Variants in SYNM observed in about 807,000 individuals in gnomAD.
SYNM encodes the protein desmuslin.
A neutral mutation model predicts 104.0 loss-of-function variants in SYNM; 95 were observed. The observed-to-expected ratio is 0.91, with a 90% CI of 0.77 to 1.08. The LOEUF (loss-of-function observed/expected upper bound fraction) is 1.08. SYNM is among the 50% of genes least tolerant of loss of function. The pLI, the probability that SYNM is intolerant of heterozygous loss-of-function variation, is 0.00. For synonymous variants in SYNM, 918 were observed against 869.0 expected (o/e 1.06, Z -0.99); for missense variants, 2,150 against 2,052.2 (o/e 1.05, Z -0.92).
intron 3 of SYNM, among the ~76,000 whole-genome samples, chr15:99,128,221 C>T (rs555800857): frequency 1.3e-5 from 2 of 152,164 alleles, no homozygotes; most frequent in Non-Finnish European, 2.9e-5. Flanking sequence ...AAGTAGTGAA[C>T]TTATCAATAC....
At chr15:99,139,986 A>G (rs1368373390), downstream of SYNM, 3 of 245,998 alleles carry the variant, frequency 1.2e-5, no homozygotes, top group African/African-American at 6.7e-5. Flanking sequence ...GAGAAAGATT[A>G]AAGTTGTGCC....
chr15:99,105,121 C>T lies in SYNM; in HGVS notation c.-79C>T. On this transcript the variant is annotated 5_prime_UTR_variant, in exon 1 of 4. Transcript: ENST00000336292. ...GGGCAGCGGCGAGGCCGGAGCGTCG[C>T]GGCGGAGAGGACGAGACCGGGACAA... The T allele has an allele frequency of 6.8e-7, 1 of 1,467,190 alleles. No individual in the cohort carries two copies. Among genetic ancestry groups the T allele is most frequent in the Non-Finnish European group, 9.1e-7 (1 of 1,098,702 alleles). The allele number at this position is 1,467,190 out of a possible 1,614,324, so 90.9% of individuals were successfully genotyped here. A position where few individuals can be genotyped will look rare whatever the true frequency, so the allele number is the denominator to read the frequency against.
chr15:99,138,018 C>CTGT, downstream of SYNM: 1 of 1,614,110 alleles, frequency 6.2e-7, no homozygotes, highest in Non-Finnish European at 8.5e-7. Context: ...CCTCAGTCTG[C>CTGT]TGTTGTGCCG....
Position 99,129,705 on chromosome 15 carries a change from C to G in SYNM, c.1345C>G (p.Pro449Ala). Residue 449 changes from proline (P) to alanine (A), a missense_variant, in exon 4 of 4, where the codon CCA becomes GCA. Physicochemically the swap from Pro to Ala is conservative, Grantham distance 27 (BLOSUM62 -1). Transcript: ENST00000336292. ...TCAAGTGAAAACATTCCCTGACAGA[C>G]CAAAAGCCGGAGATACAAGGGAGGT... ...EAQVKTFPDR[P>A]KAGDTREVPV... The G allele has an allele frequency of 6.2e-7, 1 of 1,613,762 alleles. No homozygotes were observed. Among genetic ancestry groups the G allele is most frequent in the Non-Finnish European group, 8.5e-7 (1 of 1,179,896 alleles).
At chr15:99,125,768 G>A (rs1221955007) in intron 2 of SYNM, among the ~76,000 whole-genome samples, 3 of 152,198 alleles carry the variant, frequency 2.0e-5, no homozygotes, top group African/African-American at 4.8e-5. Flanking sequence ...TCTTGGAACC[G>A]GAGTTAGTGA....
At chr15:99,108,486 C>T (rs371991965) in intron 1 of SYNM, among the ~76,000 whole-genome samples, 22 of 152,116 alleles carry the variant, frequency 1.4e-4, no homozygotes, top group Non-Finnish European at 2.6e-4. Context: ...TAATTTTTTT[C>T]GGGTTCTGTA....
At chr15:99,139,548 T>C (rs782608433), downstream of SYNM, 49 of 1,547,244 alleles carry the variant, frequency 3.2e-5, no homozygotes, top group Non-Finnish European at 4.3e-5. Flanking sequence ...TCCTAGTGAC[T>C]GACCTTTGGT....
chr15:99,129,503 C>T lies in SYNM; in HGVS notation c.1143C>T (p.His381=), dbSNP rs782113960. The change falls in exon 4 of 4, where the codon CAC becomes CAT. Residue 381 remains histidine (H), a synonymous_variant. Transcript: ENST00000336292. ...SSALYSNLSG[H]RGSQTGTSIG... ...CACTGTATTCTAACCTGTCAGGGCA[C>T]CGTGGATCTCAGACGGGCACATCTA... 3.7e-6 allele frequency: 6 copies of T among 1,613,842 alleles called. No individual in the cohort carries two copies. In the African/African-American group the frequency reaches 8.0e-5, roughly 22 times the overall value.
At chr15:99,120,189 G>A (rs1336803816) in intron 2 of SYNM, among the ~76,000 whole-genome samples, 1 of 152,188 alleles carries the variant, frequency 6.6e-6, no homozygotes, top group African/African-American at 2.4e-5. Context: ...TCCATGCCCT[G>A]TTGAACGTGG....
At chr15:99,136,833 T>C (rs2067629671), downstream of SYNM, 2 of 152,250 alleles carry the variant, frequency 1.3e-5, no homozygotes, top group African/African-American at 4.8e-5. Flanking sequence ...GCAAGCATGG[T>C]CTGTGGGGTC....
chr15:99,122,392 T>C (rs2067409324), intron 2 of SYNM, among the ~76,000 whole-genome samples: 1 of 152,240 alleles, frequency 6.6e-6, no homozygotes, highest in Non-Finnish European at 1.5e-5. Flanking sequence ...GGAAAACGTT[T>C]CTTAGGGGTT....
rs1555485775 is a variant in SYNM, at chr15:99,131,172, A to G, written c.2812A>G (p.Lys938Glu). The G allele has an allele frequency of 6.2e-7, 1 of 1,606,408 alleles. No individual in the cohort carries two copies. The change falls in exon 4 of 4, where the codon AAG (lysine) becomes GAG (glutamate). Residue 938 changes from lysine to glutamate, a missense_variant. Lys to Glu is a moderately conservative substitution (Grantham distance 56). Coordinates refer to ENST00000336292, the MANE Select transcript of SYNM (RefSeq NM_145728.3). The surrounding 1 kb of genome is among the most constrained non-coding windows in gnomAD (Gnocchi z 4.3). The stretch of plus-strand genomic sequence containing the variant: ...ACCCCACGAATTCCACACCTCCATG[A>G]AGGGCATCTCCTCCAAGGAGCCCCG... ...KIPHEFHTSM[K>E]GISSKEPRQQ...
In SYNM at chr15:99,134,264, G is replaced by A. The variant is rs540946065; in HGVS notation, c.*1206G>A. 3.9e-5 allele frequency: 6 copies of A among 152,146 alleles called. No individual in the cohort carries two copies. Among genetic ancestry groups the A allele is most frequent in the East Asian group, 3.9e-4 (2 of 5,170 alleles). The allele number at this position is 152,146 out of a possible 1,614,324, so 9.4% of individuals were successfully genotyped here. A position where few individuals can be genotyped will look rare whatever the true frequency, so the allele number is the denominator to read the frequency against. On this transcript the variant is annotated 3_prime_UTR_variant, in exon 4 of 4. Coordinates refer to ENST00000336292, the MANE Select transcript of SYNM (RefSeq NM_145728.3). ...GATATCTCTCCTGCAGCCCAGCACC[G>A]AGATACCCAGGACGGGCCTGGGGGG...
At position 99,131,193 on chromosome 15, in the gene SYNM, C is replaced by A. The variant is rs1456247479; in HGVS notation, c.2833C>A (p.Pro945Thr). The A allele has an allele frequency of 6.2e-7, 1 of 1,608,224 alleles. No homozygotes were observed. The highest frequency in any genetic ancestry group is 2.2e-5 in the East Asian group (1 of 44,696). The part of the protein sequence containing the change: ...TSMKGISSKE[P>T]RQQLVEVIGQ... ...CATGAAGGGCATCTCCTCCAAGGAG[C>A]CCCGGCAGCAGCTGGTGGAGGTCAT... The change falls in exon 4 of 4, where the codon CCC becomes ACC. Residue 945 changes from proline to threonine, a missense_variant. Transcript: ENST00000336292. This position sits in a 1 kb window ranked among gnomAD's most constrained non-coding sequence, Gnocchi z 4.3.
chr15:99,138,199 CTGCCCAGCAGG>C (rs2067759932), downstream of SYNM: 3 of 1,581,624 alleles, frequency 1.9e-6, no homozygotes, highest in African/African-American at 1.3e-5. Flanking sequence ...CCAGCCTTTG[CTGCCCAGCAGG>C]TGCCCAGACC....
chr15:99,114,777 A>AT (rs71149443), intron 2 of SYNM, among the ~76,000 whole-genome samples: 2 of 151,102 alleles, frequency 1.3e-5, no homozygotes, highest in Admixed American at 1.3e-4. Context: ...CCTTGGCATC[A>AT]CCCTCCTTTC....
downstream of SYNM, among the ~76,000 whole-genome samples, chr15:99,135,940 G>A (rs2067573095): frequency 6.6e-6 from 1 of 152,176 alleles, no homozygotes; most frequent in Admixed American, 6.5e-5. Flanking sequence ...TTGGGATGTG[G>A]TACTTTGAGT....
rs2067509866 is a variant in SYNM, at chr15:99,131,666, T to C, written c.3306T>C (p.Thr1102=). ...CTCCCCAGGGCCCAGTGTCGGCCAC[T>C]GTGGAGGTCAGCAGCCCCACAGGCT... ...QRTPQGPVSA[T]VEVSSPTGFA... Residue 1102 remains threonine, a synonymous_variant, in exon 4 of 4, where the codon ACT becomes ACC. Transcript: ENST00000336292. The surrounding 1 kb of genome is among the most constrained non-coding windows in gnomAD (Gnocchi z 4.3). 4.3e-6 allele frequency: 7 copies of C among 1,612,492 alleles called. No individual in the cohort carries two copies. Among genetic ancestry groups the C allele is most frequent in the Non-Finnish European group, 5.9e-6 (7 of 1,179,672 alleles).
intron 2 of SYNM, among the ~76,000 whole-genome samples, chr15:99,125,930 G>A (rs2067443399): frequency 6.6e-6 from 1 of 152,164 alleles, no homozygotes; most frequent in Admixed American, 6.5e-5. Context: ...CTCAGCTCTG[G>A]GATCTGAAGC....
Sources: allele counts gnomAD v4.1 joint callset (sites outside exome capture counted in the v4.1 genomes callset), GRCh38; gene constraint gnomAD v4.1.1; non-coding constraint Gnocchi (gnomAD v3.1); transcripts MANE v1.5; gene names NCBI Gene and HGNC (gene_info 2026-07-23, HGNC 2026-07-21).